C12orf42: variants seen among roughly 807,000 people sequenced by gnomAD.
The protein encoded by C12orf42 is chromosome 12 open reading frame 42, also known as uncharacterized protein C12orf42.
A neutral mutation model predicts 21.6 loss-of-function variants in C12orf42; 25 were observed. The observed-to-expected ratio is 1.16, with a 90% confidence interval of 0.84 to 1.62. The LOEUF (loss-of-function observed/expected upper bound fraction) is 1.62, where lower values mean the gene tolerates loss of function less well. Among genes scored for constraint, C12orf42 ranks in the 40% most tolerant of loss-of-function variants. C12orf42 has a pLI of 0.00. For missense variants in C12orf42, 483 were observed against 459.3 expected (o/e 1.05, Z -0.47); for synonymous variants, 174 against 175.0 (o/e 0.99, Z 0.05).
chr12:103,310,753 T>C (rs1397045094), intron 4 of C12orf42, among the ~76,000 whole-genome samples: 1 of 152,292 alleles, frequency 6.6e-6, no homozygotes, highest in Non-Finnish European at 1.5e-5. Context: ...CTTTTCATTT[T>C]CATTTTAATT....
chr12:103,152,136 C>A, the C12orf42 span, among the ~76,000 whole-genome samples: 1 of 152,186 alleles, frequency 6.6e-6, no homozygotes, highest in African/African-American at 2.4e-5. Context: ...CTGAAAGGAA[C>A]TGAATTCTGC....
At position 103,250,056 on chromosome 12, in the gene C12orf42, CATCTATCTATCTATCT is replaced by C. The variant is rs3063670; in HGVS notation, c.*1367-12170_*1367-12155del. ...TTTTCCACTTTTAAGAAATCAAAGA[CATCTATCTATCTATCT>C]ATCTATCTATCTATCTATCTATCTA... On this transcript the variant is annotated intron_variant and NMD_transcript_variant, in intron 10 of 10. Coordinates refer to the C12orf42 transcript ENST00000547347. Among the ~76,000 whole-genome samples the C allele has an allele frequency of 9.3e-3, 1,379 of 148,178 alleles. 17 individuals are homozygous for C. Among genetic ancestry groups the C allele is most frequent in the African/African-American group, 0.032 (1,288 of 40,332 alleles).
the C12orf42 span, among the ~76,000 whole-genome samples, chr12:103,144,295 G>T: frequency 6.6e-6 from 1 of 151,806 alleles, no homozygotes; most frequent in Non-Finnish European, 1.5e-5. Context: ...GAAGTCAGAG[G>T]AAAAAGAGGA....
chr12:103,465,291 C>T (rs775023597), intron 2 of C12orf42, among the ~76,000 whole-genome samples: 5 of 152,092 alleles, frequency 3.3e-5, no homozygotes, highest in Admixed American at 2.0e-4. Flanking sequence ...GTGGTTTGTA[C>T]TTCTCTTTGA....
At chr12:103,495,603 G>C (rs949584984) in intron 1 of C12orf42, among the ~76,000 whole-genome samples, 1 of 151,902 alleles carries the variant, frequency 6.6e-6, no homozygotes, top group Non-Finnish European at 1.5e-5. Context: ...CCGGGGCAAC[G>C]GGGGGCGGGG....
At chr12:103,334,659 C>T (rs2041533188) in intron 4 of C12orf42, among the ~76,000 whole-genome samples, 1 of 152,136 alleles carries the variant, frequency 6.6e-6, no homozygotes, top group Admixed American at 6.5e-5. Context: ...GCGTTCCCAG[C>T]CCCAGCCCAT....
At chr12:103,358,122 G>A (rs926843573) in intron 4 of C12orf42, among the ~76,000 whole-genome samples, 1 of 151,880 alleles carries the variant, frequency 6.6e-6, no homozygotes, top group Non-Finnish European at 1.5e-5. Flanking sequence ...ATGACATAAG[G>A]GTTTCCATCA....
At chr12:103,345,278 T>C (rs2042515934) in intron 4 of C12orf42, among the ~76,000 whole-genome samples, 1 of 152,222 alleles carries the variant, frequency 6.6e-6, no homozygotes, top group South Asian at 2.1e-4. Flanking sequence ...TTTTCTCTTC[T>C]GTAAAATGCA....
the C12orf42 span, among the ~76,000 whole-genome samples, chr12:103,213,624 T>C: frequency 6.6e-6 from 1 of 152,184 alleles, no homozygotes; most frequent in African/African-American, 2.4e-5. Flanking sequence ...TGGATCTTCG[T>C]GCAGTTGTAC....
chr12:103,229,000 T>C, the C12orf42 span, among the ~76,000 whole-genome samples: 1 of 152,142 alleles, frequency 6.6e-6, no homozygotes, highest in Admixed American at 6.6e-5. Flanking sequence ...TTCCATTCAT[T>C]CATTGATTTC....
chr12:103,483,857 T>C (rs1042127570), intron 1 of C12orf42, among the ~76,000 whole-genome samples: 8 of 152,166 alleles, frequency 5.3e-5, no homozygotes, highest in Non-Finnish European at 7.4e-5. Context: ...TTGCCCATCC[T>C]GTGTCCAAGT....
chr12:103,164,690 G>A, the C12orf42 span: 1 of 454,170 alleles, frequency 2.2e-6, no homozygotes, highest in Non-Finnish European at 4.4e-6. Context: ...TTTTCATCCA[G>A]ATTCAAAGCT....
chr12:103,266,260 G>A (rs1029970068), downstream of C12orf42, among the ~76,000 whole-genome samples: 2 of 152,054 alleles, frequency 1.3e-5, no homozygotes, highest in South Asian at 2.1e-4. Flanking sequence ...AAAATAGAAG[G>A]AAAAGAGAAA....
At chr12:103,050,112 T>C in the C12orf42 span, among the ~76,000 whole-genome samples, 2 of 152,166 alleles carry the variant, frequency 1.3e-5, no homozygotes, top group Non-Finnish European at 2.9e-5. Flanking sequence ...GAGTAGCCCA[T>C]CAGTGAAACT....
the C12orf42 span, among the ~76,000 whole-genome samples, chr12:103,086,026 A>G: frequency 6.6e-6 from 1 of 152,172 alleles, no homozygotes. Flanking sequence ...AATACCTCAG[A>G]GCAGAACTTT....
intron 2 of C12orf42, among the ~76,000 whole-genome samples, chr12:103,402,165 G>A (rs2048055823): frequency 2.0e-5 from 3 of 152,160 alleles, no homozygotes; most frequent in Non-Finnish European, 4.4e-5. Context: ...TCACTTATTT[G>A]GAGTTGCTTG....
At chr12:103,241,215 G>A (rs1379638743) in intron 10 of C12orf42, among the ~76,000 whole-genome samples, 1 of 151,132 alleles carries the variant, frequency 6.6e-6, no homozygotes, top group Non-Finnish European at 1.5e-5. Context: ...CATTTTATTA[G>A]GTTTTTCTCC....
the C12orf42 span, among the ~76,000 whole-genome samples, chr12:103,506,835 T>TTATA: frequency 1.4e-5 from 1 of 69,802 alleles, no homozygotes; most frequent in Non-Finnish European, 2.3e-5. Context: ...TATTTATATA[T>TTATA]TATATATATA....
chr12:103,420,042 T>C (rs1282503923), intron 2 of C12orf42, among the ~76,000 whole-genome samples: 2 of 152,224 alleles, frequency 1.3e-5, no homozygotes, highest in African/African-American at 2.4e-5. Flanking sequence ...AGATATCATA[T>C]AAAATTGCAT....
Sources: allele counts gnomAD v4.1 joint callset (sites outside exome capture counted in the v4.1 genomes callset), GRCh38; gene constraint gnomAD v4.1.1; transcripts MANE v1.5; gene names NCBI Gene and HGNC (gene_info 2026-07-23, HGNC 2026-07-21).